The following LEPR variants were observed in gnomAD, a reference collection of about 807,000 sequenced individuals.
The protein encoded by LEPR is OB receptor.
In LEPR, 56 loss-of-function variants were observed where a neutral mutation model predicts 114.7. The observed-to-expected ratio is 0.49, with a 90% CI of 0.39 to 0.61. LEPR has a LOEUF of 0.61. Ranked by LOEUF, LEPR falls within the 20% of genes least tolerant of loss-of-function variation. The pLI is 0.00. For missense variants in LEPR, 1,202 were observed against 1,352.9 expected, an observed-to-expected ratio of 0.89 and a Z score of 1.75; for synonymous variants, 443 against 461.4, an observed-to-expected ratio of 0.96 and a Z score of 0.51.
intron 2 of LEPR, among the ~76,000 whole-genome samples, chr1:65,555,623 C>T (rs766622249): frequency 6.6e-6 from 1 of 152,078 alleles, no homozygotes; most frequent in Non-Finnish European, 1.5e-5. Context: ...CTACACTGCT[C>T]AAATCTGTAA....
intron 2 of LEPR, among the ~76,000 whole-genome samples, chr1:65,466,796 C>G (rs1647018834): frequency 6.6e-6 from 1 of 152,104 alleles, no homozygotes; most frequent in Non-Finnish European, 1.5e-5. Context: ...CACTGACATC[C>G]TTTCTTCCAC....
chr1:65,469,454 C>T (rs751290555), intron 2 of LEPR, among the ~76,000 whole-genome samples: 1 of 152,060 alleles, frequency 6.6e-6, no homozygotes, highest in African/African-American at 2.4e-5. Flanking sequence ...TAGGCTGGAG[C>T]CAGATAAGGA....
At chr1:65,421,213 C>T (rs1373555039) in intron 1 of LEPR, 2 of 1,109,110 alleles carry the variant, frequency 1.8e-6, no homozygotes, top group East Asian at 2.6e-5. Context: ...GAGTTGACCG[C>T]GGGCGGGTGT....
intron 2 of LEPR, among the ~76,000 whole-genome samples, chr1:65,427,275 C>A (rs1646396157): frequency 6.6e-6 from 1 of 152,030 alleles, no homozygotes; most frequent in African/African-American, 2.4e-5. Context: ...CCAGATTGAA[C>A]AGCAGTAAGT....
chr1:65,571,172 T>A (rs1245418859), intron 4 of LEPR, among the ~76,000 whole-genome samples: 1 of 152,128 alleles, frequency 6.6e-6, no homozygotes, highest in East Asian at 1.9e-4. Flanking sequence ...GCAAGGAATA[T>A]CTCTGAAAGA....
intron 16 of LEPR, among the ~76,000 whole-genome samples, chr1:65,619,293 A>AGAG (rs1657729865): frequency 6.6e-6 from 1 of 152,176 alleles, no homozygotes; most frequent in African/African-American, 2.4e-5. Flanking sequence ...TAGGCTTCAC[A>AGAG]GAGATCTCTC....
intron 19 of LEPR, chr1:65,626,079 A>G: frequency 6.3e-7 from 1 of 1,580,642 alleles, no homozygotes; most frequent in Admixed American, 1.7e-5. Context: ...CACATCAGCA[A>G]AATGCAGTTT....
At chr1:65,438,575 C>T (rs930492122) in intron 2 of LEPR, among the ~76,000 whole-genome samples, 5 of 138,102 alleles carry the variant, frequency 3.6e-5, no homozygotes, top group Admixed American at 1.4e-4. Context: ...AAAAAAAAGA[C>T]AGTTGAGCTA....
At chr1:65,518,215 A>C (rs962829591) in intron 2 of LEPR, among the ~76,000 whole-genome samples, 1 of 152,100 alleles carries the variant, frequency 6.6e-6, no homozygotes, top group Non-Finnish European at 1.5e-5. Flanking sequence ...TCTATCCTTT[A>C]AATTTCAAAG....
chr1:65,431,170 C>T (rs963366958), intron 2 of LEPR, among the ~76,000 whole-genome samples: 1 of 152,158 alleles, frequency 6.6e-6, no homozygotes, highest in Non-Finnish European at 1.5e-5. Flanking sequence ...GTGCTTTAGA[C>T]CAGCCCTTCT....
At chr1:65,588,351 G>A (rs1333621765) in intron 5 of LEPR, among the ~76,000 whole-genome samples, 2 of 142,828 alleles carry the variant, frequency 1.4e-5, no homozygotes, top group African/African-American at 5.0e-5. Context: ...AAAATGATAG[G>A]CAAGGTATTG....
intron 2 of LEPR, among the ~76,000 whole-genome samples, chr1:65,489,145 A>T (rs542322449): frequency 7.9e-5 from 12 of 152,254 alleles, no homozygotes; most frequent in African/African-American, 2.9e-4. Flanking sequence ...TAGCAGTAGG[A>T]TTGCTAGATC....
At chr1:65,579,451 G>A (rs2100842169) in intron 5 of LEPR, among the ~76,000 whole-genome samples, 2 of 152,254 alleles carry the variant, frequency 1.3e-5, no homozygotes, top group Middle Eastern at 6.8e-3. Context: ...GCACAGGGTT[G>A]GTCTTAAAGA....
intron 2 of LEPR, chr1:65,434,737 ACT>A: frequency 5.1e-6 from 5 of 985,224 alleles, no homozygotes; most frequent in Non-Finnish European, 6.0e-6. Context: ...ATCCAGGTAC[ACT>A]CCTGGGAGTT....
chr1:65,528,161 G>A (rs75431835), intron 2 of LEPR, among the ~76,000 whole-genome samples: 19 of 143,820 alleles, frequency 1.3e-4, no homozygotes, highest in Non-Finnish European at 1.2e-4. Context: ...AAAGTATCCA[G>A]AAAAAAAAAA....
At chr1:65,619,636 A>C (rs953500201) in intron 16 of LEPR, among the ~76,000 whole-genome samples, 1 of 152,112 alleles carries the variant, frequency 6.6e-6, no homozygotes, top group African/African-American at 2.4e-5. Context: ...AAGCTCATAC[A>C]CCCTGCACTT....
At chr1:65,439,680 T>G (rs1485036805) in intron 2 of LEPR, among the ~76,000 whole-genome samples, 1 of 151,626 alleles carries the variant, frequency 6.6e-6, no homozygotes, top group African/African-American at 2.4e-5. Context: ...TAGCTGGGTG[T>G]GGTGGCAGAT....
chr1:65,583,843 A>T (rs1241617167), intron 5 of LEPR, among the ~76,000 whole-genome samples: 10 of 152,152 alleles, frequency 6.6e-5, no homozygotes, highest in Non-Finnish European at 1.5e-4. Flanking sequence ...TATCATTAAT[A>T]TGCTCTACAT....
chr1:65,573,981 C>T (rs1654395400), intron 5 of LEPR, among the ~76,000 whole-genome samples: 1 of 152,126 alleles, frequency 6.6e-6, no homozygotes, highest in African/African-American at 2.4e-5. Context: ...TGAATGGTTA[C>T]GATCACTGTC....
Sources: allele counts gnomAD v4.1 joint callset (sites outside exome capture counted in the v4.1 genomes callset), GRCh38; gene constraint gnomAD v4.1.1; transcripts MANE v1.5; gene names NCBI Gene and HGNC (gene_info 2026-07-23, HGNC 2026-07-21).